ZNF721: variants seen among roughly 807,000 people sequenced by gnomAD.
ZNF721 encodes zinc finger protein 721.
A neutral mutation model predicts 2.4 loss-of-function variants in ZNF721; 2 were observed. That is an observed-to-expected ratio of 0.82 (90% CI 0.34 to 2.58). ZNF721 has a LOEUF of 2.58. Among genes scored for constraint, ZNF721 ranks in the 30% most tolerant of loss-of-function variants. ZNF721 has a pLI of 0.11. For synonymous variants in ZNF721, 398 were observed against 381.8 expected, an observed-to-expected ratio of 1.04 and a Z score of -0.50; for missense variants, 1,187 against 1,085.5, an observed-to-expected ratio of 1.09 and a Z score of -1.31.
intron 2 of ZNF721, among the ~76,000 whole-genome samples, chr4:457,768 G>C (rs1298826610): frequency 1.3e-5 from 2 of 152,218 alleles, no homozygotes; most frequent in East Asian, 3.9e-4. Context: ...ACCAAAGTCC[G>C]GAAGAATTTT....
intron 2 of ZNF721, among the ~76,000 whole-genome samples, chr4:465,056 G>A (rs1030017491): frequency 2.7e-4 from 40 of 149,426 alleles, no homozygotes; most frequent in Admixed American, 6.7e-5. Context: ...CTGGACTCCC[G>A]CCTGGGTGAT....
chr4:476,893 T>G (rs1317475253), intron 1 of ZNF721, among the ~76,000 whole-genome samples: 1 of 152,226 alleles, frequency 6.6e-6, no homozygotes, highest in African/African-American at 2.4e-5. Context: ...AAGTCCAGAA[T>G]TAAGTTAGAG....
In ZNF721 at chr4:441,447, A is replaced by C. The variant is rs547708761; in HGVS notation, c.*248T>G. ...AATTGGAAGTCTTTGCCACATTTTT[A>C]ATTTTAATTTGGCTTCTCATCAATA... On this transcript the variant is annotated 3_prime_UTR_variant, in exon 3 of 3. Coordinates refer to ENST00000511833, the MANE Select transcript of ZNF721 (RefSeq NM_133474.4). 118 of 354,612 alleles carry C rather than the reference A, an allele frequency of 3.3e-4. No homozygotes were observed. Among genetic ancestry groups the C allele is most frequent in the Non-Finnish European group, 4.9e-4 (96 of 197,412 alleles). The allele number at this position is 354,612 out of a possible 1,614,324, so 22.0% of individuals were successfully genotyped here.
chr4:493,384 G>A (rs781860149), intron 1 of ZNF721, among the ~76,000 whole-genome samples: 31 of 152,250 alleles, frequency 2.0e-4, no homozygotes, highest in Non-Finnish European at 4.0e-4. Context: ...GGATTAGAAC[G>A]TATGGTAATC....
Position 440,385 on chromosome 4 carries a change from T to A in ZNF721, c.*1310A>T, listed in dbSNP as rs1714191417. 1 of 152,170 alleles carries A rather than the reference T, an allele frequency of 6.6e-6. No individual in the cohort carries two copies. The highest frequency in any genetic ancestry group is 6.5e-5 in the Admixed American group (1 of 15,274). The allele number at this position is 152,170 out of a possible 1,614,324, so 9.4% of individuals were successfully genotyped here. ...TAATTTTAGAGTTGAATTATTTGCT[T>A]TTGAAAAAAATTTTTACTTTTTTCA... On this transcript the variant is annotated 3_prime_UTR_variant, in exon 3 of 3. Transcript: ENST00000511833.
chr4:493,171 T>TAAAAAA (rs79248295), intron 1 of ZNF721, among the ~76,000 whole-genome samples: 1 of 131,876 alleles, frequency 7.6e-6, no homozygotes, highest in African/African-American at 2.8e-5. Context: ...ACTGAGACAG[T>TAAAAAA]AAAAAAAAAA....
chr4:481,773 C>T (rs1715774713), intron 1 of ZNF721, among the ~76,000 whole-genome samples: 1 of 152,184 alleles, frequency 6.6e-6, no homozygotes, highest in Non-Finnish European at 1.5e-5. Context: ...AGCAGTTGAA[C>T]ACAGCGTCCA....
At position 474,144 on chromosome 4, in the gene ZNF721, G is replaced by A. The variant is rs1409415796; in HGVS notation, c.-93-1443C>T. The A allele has an allele frequency of 1.2e-5, 10 of 807,336 alleles. 1 individual carries two copies. Among genetic ancestry groups the A allele is most frequent in the South Asian group, 7.7e-5 (5 of 64,782 alleles). 50.0% of individuals were successfully genotyped at this position (807,336 alleles called of 1,614,324 possible). ...TAACCGAGCTCAGGCTGAAGCAACA[G>A]GCCAAGGCCGCCGAAGATCCCGGAT... On this transcript the variant is annotated intron_variant, in intron 1 of 2. Transcript: ENST00000511833.
chr4:487,764 G>A (rs1415661683), intron 1 of ZNF721, among the ~76,000 whole-genome samples: 1 of 152,122 alleles, frequency 6.6e-6, no homozygotes, highest in Non-Finnish European at 1.5e-5. Context: ...AGGCCAATTC[G>A]TGCTGACTTC....
intron 2 of ZNF721, among the ~76,000 whole-genome samples, chr4:457,422 T>A (rs536119580): frequency 6.6e-6 from 1 of 152,348 alleles, no homozygotes; most frequent in East Asian, 1.9e-4. Flanking sequence ...TGCTTGCCCA[T>A]CACAGTCCCA....
chr4:481,559 C>A (rs1715769047), intron 1 of ZNF721, among the ~76,000 whole-genome samples: 1 of 149,366 alleles, frequency 6.7e-6, no homozygotes, highest in Admixed American at 6.7e-5. Context: ...GAAGACACAT[C>A]TTTGTTCTTT....
chr4:463,333 T>C (rs1277833352), intron 2 of ZNF721, among the ~76,000 whole-genome samples: 1 of 152,198 alleles, frequency 6.6e-6, no homozygotes, highest in African/African-American at 2.4e-5. Context: ...TCAATCATTG[T>C]GGAAGACAGT....
At chr4:475,073 G>C (rs1715592906) in intron 1 of ZNF721, among the ~76,000 whole-genome samples, 1 of 151,984 alleles carries the variant, frequency 6.6e-6, no homozygotes, top group Non-Finnish European at 1.5e-5. Context: ...TGTAGTCCCA[G>C]CTACTCGGGA....
At chr4:446,661 G>A (rs1714484042) in intron 2 of ZNF721, among the ~76,000 whole-genome samples, 3 of 151,620 alleles carry the variant, frequency 2.0e-5, no homozygotes, top group Admixed American at 2.0e-4. Context: ...TTGCAGGCGT[G>A]AGCCACCACA....
In ZNF721 at chr4:440,401, A is replaced by T. The variant is rs1343967789; in HGVS notation, c.*1294T>A. 1 of 152,186 alleles carries T rather than the reference A, an allele frequency of 6.6e-6. No individual in the cohort carries two copies. The highest frequency in any genetic ancestry group is 1.5e-5 in the Non-Finnish European group (1 of 68,026). The allele number at this position is 152,186 out of a possible 1,614,324, so 9.4% of individuals were successfully genotyped here. On this transcript the variant is annotated 3_prime_UTR_variant, in exon 3 of 3. Coordinates refer to ENST00000511833, the MANE Select transcript of ZNF721 (RefSeq NM_133474.4). ...TTATTTGCTTTTGAAAAAAATTTTT[A>T]CTTTTTTCAAGTGAAAAAATATATT...
chr4:459,999 G>C (rs1715009560), intron 2 of ZNF721, among the ~76,000 whole-genome samples: 1 of 151,966 alleles, frequency 6.6e-6, no homozygotes, highest in Non-Finnish European at 1.5e-5. Flanking sequence ...AATAATAATG[G>C]GAGACTTTAA....
intron 1 of ZNF721, among the ~76,000 whole-genome samples, chr4:497,174 C>T (rs1187995923): frequency 6.6e-6 from 1 of 151,822 alleles, no homozygotes. Flanking sequence ...GATGCAGAAG[C>T]AGGCAGGCTT....
intron 2 of ZNF721, among the ~76,000 whole-genome samples, chr4:469,190 C>T (rs1291951761): frequency 6.6e-6 from 1 of 152,040 alleles, no homozygotes; most frequent in African/African-American, 2.4e-5. Flanking sequence ...ATGCCTTGGC[C>T]TCTGAAAGTG....
At chr4:476,594 C>T (rs781823099) in intron 1 of ZNF721, among the ~76,000 whole-genome samples, 76 of 152,314 alleles carry the variant, frequency 5.0e-4, no homozygotes, top group Non-Finnish European at 1.5e-5. Flanking sequence ...CACACCAGAT[C>T]GACTGAGCAG....
Sources: gnomAD v4.1 joint callset for allele counts (sites outside exome capture counted in the v4.1 genomes callset) on GRCh38, gnomAD v4.1.1 for gene constraint, MANE v1.5 for transcripts, NCBI Gene and HGNC (gene_info 2026-07-23, HGNC 2026-07-21) for gene names.